The following MAD1L1 variants were observed in gnomAD, a reference collection of about 807,000 sequenced individuals.
MAD1L1 encodes mitotic arrest deficient 1 like 1.
Under a neutral mutation model 96.9 loss-of-function variants are expected in MAD1L1, and 95 were observed. The ratio of observed to expected loss-of-function variants is 0.98; its 90% CI spans 0.83 to 1.16. The LOEUF is 1.16. MAD1L1 is among the 50% of genes most tolerant of loss of function. The pLI is 0.00. For missense variants in MAD1L1, 1,007 were observed against 954.4 expected, an observed-to-expected ratio of 1.06 and a Z score of -0.73; for synonymous variants, 473 against 396.6, an observed-to-expected ratio of 1.19 and a Z score of -2.29.
intron 18 of MAD1L1, among the ~76,000 whole-genome samples, chr7:1,818,164 C>G (rs944209022): frequency 3.3e-5 from 5 of 152,120 alleles, no homozygotes; most frequent in Non-Finnish European, 5.9e-5. Context: ...GGGGCTGATT[C>G]TCCTGCAGCT....
At chr7:1,898,476 C>T (rs190743105) in intron 17 of MAD1L1, 86 bp from the exon 18 acceptor site, 126 of 1,209,834 alleles carry the variant, frequency 1.0e-4, no homozygotes, top group East Asian at 5.1e-4. Flanking sequence ...GGGAGGAAGC[C>T]GAGTACAGGT....
At chr7:1,861,407 C>T (rs1784539523) in intron 18 of MAD1L1, among the ~76,000 whole-genome samples, 1 of 151,778 alleles carries the variant, frequency 6.6e-6, no homozygotes, top group African/African-American at 2.4e-5. Context: ...ACTGCTCCGC[C>T]TGCCCCCTGG....
intron 15 of MAD1L1, among the ~76,000 whole-genome samples, chr7:1,970,331 C>CTTTTTTT (rs34240381): frequency 5.1e-5 from 6 of 116,516 alleles, no homozygotes; most frequent in East Asian, 2.4e-4. Flanking sequence ...TTAATTTTTA[C>CTTTTTTT]TTTTTTTTTT....
intron 10 of MAD1L1, among the ~76,000 whole-genome samples, chr7:2,212,620 C>T (rs997865460): frequency 6.6e-6 from 1 of 152,138 alleles, no homozygotes; most frequent in South Asian, 2.1e-4. Flanking sequence ...TGCATTGCGG[C>T]GTGCCTGTTC....
chr7:1,938,617 G>A (rs900522096), intron 16 of MAD1L1, among the ~76,000 whole-genome samples: 1 of 152,150 alleles, frequency 6.6e-6, no homozygotes, highest in Non-Finnish European at 1.5e-5. Flanking sequence ...CCAAGGGCAT[G>A]TCAGACAACC....
At chr7:2,227,402 G>C (rs1371111576) in intron 3 of MAD1L1, among the ~76,000 whole-genome samples, 1 of 152,214 alleles carries the variant, frequency 6.6e-6, no homozygotes, top group African/African-American at 2.4e-5. Context: ...GTGGGGTCCA[G>C]TTTTGCCCCT....
At position 2,103,667 on chromosome 7, in the gene MAD1L1, G is replaced by T. The variant is rs769546282; in HGVS notation, c.1074-34329C>A. Among the ~76,000 whole-genome samples the T allele has an allele frequency of 6.6e-6, 1 of 152,206 alleles. No homozygotes were observed. Among genetic ancestry groups the T allele is most frequent in the Non-Finnish European group, 1.5e-5 (1 of 68,030 alleles). ...TGAGACTCGATCCCACAGGGGAGAA[G>T]GAGGGAGCGGCCACGAGGAGGAGCC... On this transcript the variant is annotated intron_variant, in intron 11 of 18. Transcript: ENST00000265854. This position sits in a 1 kb window ranked among gnomAD's most constrained non-coding sequence, Gnocchi z 4.3.
At chr7:1,926,775 C>T (rs936186220) in intron 17 of MAD1L1, among the ~76,000 whole-genome samples, 5 of 152,300 alleles carry the variant, frequency 3.3e-5, no homozygotes, top group Admixed American at 2.6e-4. Context: ...GCTAGCAGCA[C>T]GCCTCATGGA....
At chr7:1,957,482 A>T (rs1198670906) in intron 16 of MAD1L1, 147 bp downstream of exon 16, 9 of 763,862 alleles carry the variant, frequency 1.2e-5, no homozygotes, top group Non-Finnish European at 1.9e-5. Flanking sequence ...CCTGCCAGGC[A>T]AGGGGGTGCA....
intron 12 of MAD1L1, among the ~76,000 whole-genome samples, chr7:2,045,055 G>A (rs1286935559): frequency 2.0e-5 from 3 of 152,200 alleles, no homozygotes; most frequent in East Asian, 1.9e-4. Context: ...GCGCCCTGAC[G>A]GCAAGCCCCG....
chr7:1,831,849 C>A (rs1782718126), intron 18 of MAD1L1, among the ~76,000 whole-genome samples: 1 of 152,132 alleles, frequency 6.6e-6, no homozygotes, highest in Non-Finnish European at 1.5e-5. Context: ...TATTTTAAGC[C>A]CACTGTTGAG....
At chr7:1,856,140 C>G (rs1465043908) in intron 18 of MAD1L1, among the ~76,000 whole-genome samples, 2 of 152,244 alleles carry the variant, frequency 1.3e-5, no homozygotes, top group African/African-American at 2.4e-5. Flanking sequence ...TAGAGGGACA[C>G]AGACCTTCAG....
At chr7:2,027,482 T>C (rs1472191852) in intron 12 of MAD1L1, among the ~76,000 whole-genome samples, 2 of 152,204 alleles carry the variant, frequency 1.3e-5, no homozygotes, top group African/African-American at 4.8e-5. Context: ...AAATAAAGCA[T>C]TACACACAGA....
At chr7:1,843,240 C>A (rs1783382554) in intron 18 of MAD1L1, among the ~76,000 whole-genome samples, 1 of 152,236 alleles carries the variant, frequency 6.6e-6, no homozygotes, top group Admixed American at 6.5e-5. Flanking sequence ...CTCTTTCTGG[C>A]GTCTTTCTCT....
At chr7:2,006,727 G>C (rs983023396) in intron 13 of MAD1L1, among the ~76,000 whole-genome samples, 3 of 152,052 alleles carry the variant, frequency 2.0e-5, no homozygotes, top group African/African-American at 7.2e-5. Context: ...GGCGAGGCAG[G>C]ACATTGGGGT....
chr7:2,014,390 G>C (rs1163188701), intron 13 of MAD1L1, 112 bp downstream of exon 13: 2 of 1,365,640 alleles, frequency 1.5e-6, no homozygotes, highest in Non-Finnish European at 1.9e-6. Flanking sequence ...CTGCCAGCCG[G>C]GAACTGGGGA....
At chr7:2,128,659 G>T (rs911429982) in intron 11 of MAD1L1, among the ~76,000 whole-genome samples, 1 of 152,344 alleles carries the variant, frequency 6.6e-6, no homozygotes, top group South Asian at 2.1e-4. Flanking sequence ...AGGGCTGAAG[G>T]CTCAGCTGGG....
chr7:1,968,220 G>A lies in MAD1L1; in HGVS notation c.1506-10501C>T, dbSNP rs562590413. On this transcript the variant is annotated intron_variant, in intron 15 of 18. Transcript: ENST00000265854. The surrounding 1 kb of genome is among the most constrained non-coding windows in gnomAD (Gnocchi z 5.6). The stretch of plus-strand genomic sequence containing the variant: ...CCTCAATCCGGCGGTCAGGTCCACC[G>A]TCGACGCCTCAGTCCGGCGGTCAGG... 4.6e-5 allele frequency among the ~76,000 whole-genome samples: 7 copies of A among 152,274 alleles called. No individual in the cohort carries two copies. The highest frequency in any genetic ancestry group is 9.6e-5 in the African/African-American group (4 of 41,570).
intron 18 of MAD1L1, among the ~76,000 whole-genome samples, chr7:1,896,370 C>T (rs532852210): frequency 2.2e-4 from 34 of 152,306 alleles, no homozygotes; most frequent in Non-Finnish European, 3.8e-4. Context: ...GCAGGAAGAG[C>T]GGCAGGGCCC....
Sources: gnomAD v4.1 joint callset for allele counts (sites outside exome capture counted in the v4.1 genomes callset) on GRCh38, gnomAD v4.1.1 for gene constraint, Gnocchi (gnomAD v3.1) non-coding constraint, MANE v1.5 for transcripts, NCBI Gene and HGNC (gene_info 2026-07-23, HGNC 2026-07-21) for gene names.